THSD7B: variants seen among roughly 807,000 people sequenced by gnomAD.
THSD7B encodes the protein thrombospondin type-1 domain-containing protein 7B.
In THSD7B, 138 loss-of-function variants were observed where a neutral mutation model predicts 213.6. That is an observed-to-expected ratio of 0.65 (90% CI 0.56 to 0.74). The LOEUF (loss-of-function observed/expected upper bound fraction) is 0.74, where lower values mean the gene tolerates loss of function less well. THSD7B is among the 30% of genes least tolerant of loss of function. The probability of loss-of-function intolerance (pLI) is 0.00; values close to 1 mark genes in which losing one functional copy is unlikely to be tolerated. For synonymous variants in THSD7B, 742 were observed against 687.0 expected, an observed-to-expected ratio of 1.08 and a Z score of -1.25; for missense variants, 1,931 against 1,991.5, an observed-to-expected ratio of 0.97 and a Z score of 0.58.
intron 1 of THSD7B, among the ~76,000 whole-genome samples, chr2:136,824,572 T>A (rs575329419): frequency 6.6e-6 from 1 of 152,332 alleles, no homozygotes; most frequent in Non-Finnish European, 1.5e-5. Context: ...ACTGATTAAA[T>A]ATGTTACTTG....
chr2:137,323,627 G>A (rs1486405272), intron 12 of THSD7B, among the ~76,000 whole-genome samples: 1 of 152,132 alleles, frequency 6.6e-6, no homozygotes, highest in Non-Finnish European at 1.5e-5. Flanking sequence ...TTGAGGGAGT[G>A]GGGAGTCTGT....
At chr2:137,014,091 T>C (rs1232213455) in intron 2 of THSD7B, among the ~76,000 whole-genome samples, 1 of 152,136 alleles carries the variant, frequency 6.6e-6, no homozygotes, top group Non-Finnish European at 1.5e-5. Flanking sequence ...CCATCCTTAA[T>C]GTCATCCTCT....
intron 14 of THSD7B, among the ~76,000 whole-genome samples, chr2:137,425,037 A>T (rs189074783): frequency 9.1e-4 from 138 of 150,840 alleles, no homozygotes; most frequent in African/African-American, 3.1e-3. Flanking sequence ...GCGCCACTGC[A>T]CTCCAGCCTG....
In THSD7B at chr2:136,821,954, AT is replaced by A. The variant is rs556776879; in HGVS notation, c.-36+56269del. Among the ~76,000 whole-genome samples the A allele has an allele frequency of 1.2e-3, 180 of 152,266 alleles. 3 individuals carry two copies. The South Asian group carries it at 0.023, about 19-fold the overall frequency. On this transcript the variant is annotated intron_variant, in intron 1 of 27. Transcript: ENST00000409968. ...ATGCTGTCTACAGAGAACACAACAA[AT>A]TACATCAGGATATGAATAACTAGGA...
intron 2 of THSD7B, among the ~76,000 whole-genome samples, chr2:137,028,847 G>A (rs1009974322): frequency 2.0e-5 from 3 of 152,078 alleles, no homozygotes; most frequent in Admixed American, 2.0e-4. Context: ...TGATGACTTA[G>A]AATTGATATT....
At chr2:136,881,597 T>C (rs1683623938) in intron 1 of THSD7B, among the ~76,000 whole-genome samples, 1 of 152,120 alleles carries the variant, frequency 6.6e-6, no homozygotes, top group African/African-American at 2.4e-5. Context: ...ACTTGATTTT[T>C]TGTACAGAAG....
chr2:137,242,465 A>G lies in THSD7B; in HGVS notation c.2159A>G (p.Asp720Gly). The G allele has an allele frequency of 6.2e-7, 1 of 1,613,520 alleles. No homozygotes were observed. The highest frequency in any genetic ancestry group is 8.5e-7 in the Non-Finnish European group (1 of 1,179,478). ...VGQVMTKRCPDSTRPETVRPC... is the reference protein window; with the variant it reads ...VGQVMTKRCPGSTRPETVRPC... ...TCTTTTCACATTGACAGATGTCCAG[A>G]TTCTACTCGACCTGAAACTGTGCGC... Residue 720 changes from aspartate (D) to glycine (G), a missense_variant, in exon 10 of 28, where the codon GAT becomes GGT. By Grantham distance (94) the Asp-to-Gly change is moderately conservative. Transcript: ENST00000409968.
intron 2 of THSD7B, among the ~76,000 whole-genome samples, chr2:137,049,179 C>G (rs1406292782): frequency 6.6e-6 from 1 of 152,222 alleles, no homozygotes; most frequent in Non-Finnish European, 1.5e-5. Flanking sequence ...TCGCTCGAAC[C>G]AGGGCATTGA....
At chr2:137,380,791 C>T (rs1024551121) in intron 12 of THSD7B, among the ~76,000 whole-genome samples, 12 of 152,212 alleles carry the variant, frequency 7.9e-5, no homozygotes, top group African/African-American at 2.7e-4. Flanking sequence ...GAATTTGGAA[C>T]GCAGGCATAC....
intron 4 of THSD7B, among the ~76,000 whole-genome samples, chr2:137,106,399 G>T (rs959212798): frequency 1.3e-5 from 2 of 152,162 alleles, no homozygotes; most frequent in Admixed American, 6.5e-5. Flanking sequence ...ATTAACTCAA[G>T]ATGGATTAAA....
chr2:137,197,325 C>G (rs1420849328), intron 7 of THSD7B, among the ~76,000 whole-genome samples: 2 of 152,004 alleles, frequency 1.3e-5, no homozygotes, highest in Non-Finnish European at 2.9e-5. Context: ...TGTGAATATT[C>G]CAGTTGAGGA....
rs150061175 is a variant in THSD7B at position 137,245,070 on chromosome 2, G to A, written c.2266+2498G>A. 6.2e-3 allele frequency among the ~76,000 whole-genome samples: 940 copies of A among 152,030 alleles called. 14 individuals are homozygous for A. Among genetic ancestry groups the A allele is most frequent in the African/African-American group, 0.021 (864 of 41,456 alleles). ...CTGAATGGTGACCCTCCTCCTCCTCGTCTCCCTCATTCTGATGGAGCCCAT... is the reference window on the plus strand; with the variant it reads ...CTGAATGGTGACCCTCCTCCTCCTCATCTCCCTCATTCTGATGGAGCCCAT... On this transcript the variant is annotated intron_variant, in intron 10 of 27. Transcript: ENST00000409968.
At chr2:137,225,841 G>C (rs1158342396) in intron 7 of THSD7B, among the ~76,000 whole-genome samples, 1 of 148,082 alleles carries the variant, frequency 6.8e-6, no homozygotes, top group Admixed American at 6.7e-5. Flanking sequence ...TTAGCAAGCA[G>C]AGACATTAAT....
chr2:136,967,888 G>A (rs187841667), intron 2 of THSD7B, among the ~76,000 whole-genome samples: 27 of 152,230 alleles, frequency 1.8e-4, no homozygotes, highest in East Asian at 1.9e-4. Context: ...TGGATCTTCC[G>A]TGATTTGCTT....
At chr2:137,521,524 C>G (rs1680184194) in intron 15 of THSD7B, among the ~76,000 whole-genome samples, 1 of 152,322 alleles carries the variant, frequency 6.6e-6, no homozygotes, top group Non-Finnish European at 1.5e-5. Context: ...TGGACCCTTT[C>G]TCTTCTTGTT....
chr2:137,635,823 G>C (rs2104856251), intron 20 of THSD7B, among the ~76,000 whole-genome samples: 1 of 151,810 alleles, frequency 6.6e-6, no homozygotes, highest in African/African-American at 2.4e-5. Flanking sequence ...TCCTGTCTCA[G>C]CCTCCGAATA....
chr2:137,291,584 A>G (rs1683339902), intron 12 of THSD7B, among the ~76,000 whole-genome samples: 1 of 152,158 alleles, frequency 6.6e-6, no homozygotes, highest in African/African-American at 2.4e-5. Flanking sequence ...AAATTATAAC[A>G]CATTAAAATT....
At chr2:137,552,724 T>C (rs886810170) in intron 15 of THSD7B, among the ~76,000 whole-genome samples, 1 of 152,216 alleles carries the variant, frequency 6.6e-6, no homozygotes, top group African/African-American at 2.4e-5. Flanking sequence ...TTGATAAAAA[T>C]GGAAGCACAA....
At chr2:137,353,732 T>C (rs1453295) in intron 12 of THSD7B, among the ~76,000 whole-genome samples, 2 of 152,114 alleles carry the variant, frequency 1.3e-5, no homozygotes, top group African/African-American at 2.4e-5. Flanking sequence ...AAGAATCTTA[T>C]ACCTATTCTG....
Sources: allele counts gnomAD v4.1 joint callset (sites outside exome capture counted in the v4.1 genomes callset), GRCh38; gene constraint gnomAD v4.1.1; transcripts MANE v1.5; gene names NCBI Gene and HGNC (gene_info 2026-07-23, HGNC 2026-07-21).